The following FOXP1 variants were observed in gnomAD, a reference collection of about 807,000 sequenced individuals.
FOXP1 encodes the protein forkhead box protein P1.
A neutral mutation model predicts 98.2 loss-of-function variants in FOXP1; 15 were observed. That is an observed-to-expected ratio of 0.15 (90% CI 0.10 to 0.24). FOXP1 has a LOEUF of 0.24. Ranked by LOEUF, FOXP1 falls within the 10% of genes least tolerant of loss-of-function variation. The pLI is 1.00. For synonymous variants in FOXP1, 371 were observed against 314.5 expected, an observed-to-expected ratio of 1.18 and a Z score of -1.90; for missense variants, 633 against 848.5, an observed-to-expected ratio of 0.75 and a Z score of 3.15.
chr3:70,959,116 G>A lies in FOXP1; in HGVS notation c.*131C>T, dbSNP rs2106849183. On this transcript the variant is annotated 3_prime_UTR_variant, in exon 21 of 21. Transcript: ENST00000649528. Reference sequence around the variant, plus strand: ...GCACTAAGAGTTAACACATTTCAGAGTTGTCAAAACGTAGTGAAAATCCTC... The same window carrying A: ...GCACTAAGAGTTAACACATTTCAGAATTGTCAAAACGTAGTGAAAATCCTC... The A allele has an allele frequency of 1.9e-6, 2 of 1,036,318 alleles. No homozygotes were observed. Among genetic ancestry groups the A allele is most frequent in the Non-Finnish European group, 2.9e-6 (2 of 681,920 alleles). 64.2% of individuals were successfully genotyped at this position (1,036,318 alleles called of 1,614,324 possible). A position where few individuals can be genotyped will look rare whatever the true frequency, so the allele number is the denominator to read the frequency against.
rs140059228 is a variant in FOXP1 at position 71,470,939 on chromosome 3, C to T, written c.-168+22487G>A. Among the ~76,000 whole-genome samples, 395 of 152,318 alleles carry T rather than the reference C, an allele frequency of 2.6e-3. 1 individual carries two copies. The highest frequency in any genetic ancestry group is 9.0e-3 in the African/African-American group (376 of 41,558). ...AGTCTGTGCCTTAACCTTCCTAAGCCTCAGCTTCCTACCTCTACAATGGGA... is the reference window on the plus strand; with the variant it reads ...AGTCTGTGCCTTAACCTTCCTAAGCTTCAGCTTCCTACCTCTACAATGGGA... On this transcript the variant is annotated intron_variant, in intron 3 of 20. Coordinates refer to ENST00000649528, the MANE Select transcript of FOXP1 (RefSeq NM_001349338.3).
intron 5 of FOXP1, among the ~76,000 whole-genome samples, chr3:71,243,452 A>G (rs924602431): frequency 3.3e-5 from 5 of 152,212 alleles, no homozygotes; most frequent in African/African-American, 1.2e-4. Context: ...TGAGATGTTC[A>G]GAAAAAGCCA....
At chr3:71,511,053 C>T (rs939848418) in intron 2 of FOXP1, among the ~76,000 whole-genome samples, 4 of 152,186 alleles carry the variant, frequency 2.6e-5, no homozygotes, top group African/African-American at 9.7e-5. Context: ...TTTGGCAGTT[C>T]TTTCCTTCGG....
Position 71,435,283 on chromosome 3 carries a change from G to C in FOXP1, c.-168+58143C>G, listed in dbSNP as rs1261389106. ...GGGAGGGAGGGAGGGAAGAAGGGAG[G>C]GAGGGAGGGACGGAGGGAGGGAGGG... is the stretch of plus-strand genomic sequence containing the variant. On this transcript the variant is annotated intron_variant, in intron 3 of 20. Transcript: ENST00000649528. Among the ~76,000 whole-genome samples, 3 of 9,382 alleles carry C rather than the reference G, an allele frequency of 3.2e-4. 1 individual carries two copies. The highest frequency in any genetic ancestry group is 2.0e-3 in the African/African-American group (3 of 1,494). The allele number at this position is 9,382 out of a possible 152,430, so 6.2% of individuals were successfully genotyped here.
intron 3 of FOXP1, among the ~76,000 whole-genome samples, chr3:71,402,596 T>C (rs2082024927): frequency 6.6e-6 from 1 of 152,240 alleles, no homozygotes; most frequent in Admixed American, 6.5e-5. Context: ...AAATCGTGCC[T>C]GAATAAATTC....
chr3:70,985,039 T>C (rs1199014404), intron 14 of FOXP1, among the ~76,000 whole-genome samples: 1 of 152,168 alleles, frequency 6.6e-6, no homozygotes, highest in Non-Finnish European at 1.5e-5. Flanking sequence ...AAAAGCAACA[T>C]TTACAGCAAA....
At position 71,163,684 on chromosome 3, in the gene FOXP1, C is replaced by T. The variant is rs186986013; in HGVS notation, c.180+34518G>A. On this transcript the variant is annotated intron_variant, in intron 6 of 20. Coordinates refer to ENST00000649528, the MANE Select transcript of FOXP1 (RefSeq NM_001349338.3). Reference sequence around the variant, plus strand: ...CAGGGAAACAACAACAACAACAAAACCTTATATTCTGTTTAGTTCATCATT... The same window carrying T: ...CAGGGAAACAACAACAACAACAAAATCTTATATTCTGTTTAGTTCATCATT... 2.6e-5 allele frequency among the ~76,000 whole-genome samples: 4 copies of T among 152,186 alleles called. No homozygotes were observed. In the East Asian group the frequency reaches 7.7e-4, roughly 29 times the overall value.
chr3:71,278,435 T>G (rs1473664917), intron 5 of FOXP1, among the ~76,000 whole-genome samples: 1 of 152,202 alleles, frequency 6.6e-6, no homozygotes, highest in Non-Finnish European at 1.5e-5. Flanking sequence ...AAACCCAGCT[T>G]GCCTCCATCC....
intron 6 of FOXP1, among the ~76,000 whole-genome samples, chr3:71,156,826 GAGAT>G (rs2060847425): frequency 6.6e-6 from 1 of 152,204 alleles, no homozygotes; most frequent in African/African-American, 2.4e-5. Context: ...AGGAGTCCAG[GAGAT>G]AAAAGGAAGG....
intron 2 of FOXP1, among the ~76,000 whole-genome samples, chr3:71,580,181 A>T (rs1222814055): frequency 3.4e-5 from 4 of 116,018 alleles, no homozygotes; most frequent in Non-Finnish European, 7.6e-5. Flanking sequence ...CCAAAAAAAA[A>T]AAAAAAGTGA....
chr3:71,570,102 C>A (rs1235114237), intron 2 of FOXP1, among the ~76,000 whole-genome samples: 1 of 152,022 alleles, frequency 6.6e-6, no homozygotes, highest in African/African-American at 2.4e-5. Flanking sequence ...TACCTTAGGT[C>A]TTCTGGAGCT....
chr3:71,308,729 T>C (rs964741281), intron 4 of FOXP1, among the ~76,000 whole-genome samples: 1 of 149,294 alleles, frequency 6.7e-6, no homozygotes, highest in Non-Finnish European at 1.5e-5. Context: ...CATTAAATTA[T>C]TATGAAGCAT....
intron 3 of FOXP1, among the ~76,000 whole-genome samples, chr3:71,394,166 A>C (rs1004572636): frequency 1.3e-5 from 2 of 152,230 alleles, no homozygotes; most frequent in Non-Finnish European, 2.9e-5. Flanking sequence ...GTTCATATGC[A>C]CCAGCCCAAC....
At chr3:71,388,581 G>A (rs879491053) in intron 3 of FOXP1, among the ~76,000 whole-genome samples, 1 of 151,846 alleles carries the variant, frequency 6.6e-6, no homozygotes, top group Non-Finnish European at 1.5e-5. Context: ...TGACTATTAG[G>A]GCTTTTATTA....
At chr3:71,513,750 A>G (rs918176181) in intron 2 of FOXP1, among the ~76,000 whole-genome samples, 1 of 152,198 alleles carries the variant, frequency 6.6e-6, no homozygotes, top group Non-Finnish European at 1.5e-5. Flanking sequence ...GGCACATAGC[A>G]TGGCTCCAAG....
At chr3:71,259,106 T>C (rs1042004646) in intron 5 of FOXP1, among the ~76,000 whole-genome samples, 1 of 151,910 alleles carries the variant, frequency 6.6e-6, no homozygotes, top group Non-Finnish European at 1.5e-5. Flanking sequence ...ATCGTGCCAC[T>C]GCACTCCAAC....
At chr3:71,344,372 C>A (rs150864765) in intron 4 of FOXP1, among the ~76,000 whole-genome samples, 1 of 152,250 alleles carries the variant, frequency 6.6e-6, no homozygotes, top group African/African-American at 2.4e-5. Context: ...AAACTTGCCA[C>A]CCACAAACAG....
chr3:71,248,015 G>A (rs375817977), intron 5 of FOXP1, among the ~76,000 whole-genome samples: 67 of 152,312 alleles, frequency 4.4e-4, no homozygotes, highest in African/African-American at 1.4e-3. Context: ...AGGACACAGC[G>A]GCAAGAAGGT....
intron 11 of FOXP1, among the ~76,000 whole-genome samples, chr3:71,018,976 A>C (rs1005690178): frequency 1.3e-5 from 2 of 152,196 alleles, no homozygotes; most frequent in Admixed American, 1.3e-4. Context: ...TGGCACAATG[A>C]ATACCACACA....
Sources: allele counts gnomAD v4.1 joint callset (sites outside exome capture counted in the v4.1 genomes callset), GRCh38; gene constraint gnomAD v4.1.1; transcripts MANE v1.5; gene names NCBI Gene and HGNC (gene_info 2026-07-23, HGNC 2026-07-21).